The following CTTNBP2NL variants were observed in gnomAD, a reference collection of about 807,000 sequenced individuals.
CTTNBP2NL encodes CTTNBP2 N-terminal like.
In CTTNBP2NL, 16 loss-of-function variants were observed where a neutral mutation model predicts 32.5. That is an observed-to-expected ratio of 0.49 (90% CI 0.33 to 0.75). The LOEUF is 0.75. Among genes scored for constraint, CTTNBP2NL ranks in the 30% least tolerant of loss-of-function variants. The pLI, the probability that CTTNBP2NL is intolerant of heterozygous loss-of-function variation, is 0.02. For synonymous variants in CTTNBP2NL, 298 were observed against 289.4 expected, an observed-to-expected ratio of 1.03 and a Z score of -0.30; for missense variants, 645 against 756.0, an observed-to-expected ratio of 0.85 and a Z score of 1.72.
upstream of CTTNBP2NL, among the ~76,000 whole-genome samples, chr1:112,392,556 C>T (rs1648211691): frequency 6.6e-6 from 1 of 152,066 alleles, no homozygotes; most frequent in African/African-American, 2.4e-5. Flanking sequence ...CCATCTCAGA[C>T]TGTGAATTTA....
chr1:112,435,161 AAAG>A (rs1649694454), intron 3 of CTTNBP2NL, among the ~76,000 whole-genome samples: 2 of 151,010 alleles, frequency 1.3e-5, no homozygotes, highest in Admixed American at 6.6e-5. Flanking sequence ...AAAAAAAAAA[AAAG>A]AAGTGTACCC....
At chr1:112,412,753 A>G (rs12094459) in intron 2 of CTTNBP2NL, among the ~76,000 whole-genome samples, 4,479 of 151,392 alleles carry the variant, frequency 0.03, 223 homozygotes, top group African/African-American at 0.1. Context: ...AGTAGCTGGG[A>G]CTACAGGTGT....
chr1:112,455,259 A>C (rs949418222), intron 5 of CTTNBP2NL, among the ~76,000 whole-genome samples: 3 of 152,110 alleles, frequency 2.0e-5, no homozygotes, highest in African/African-American at 7.2e-5. Context: ...TAATCCCAGC[A>C]CTTTTGGAGG....
chr1:112,436,085 C>G (rs1425166347), intron 3 of CTTNBP2NL, among the ~76,000 whole-genome samples: 1 of 139,556 alleles, frequency 7.2e-6, no homozygotes, highest in African/African-American at 2.7e-5. Context: ...TTTTTTTGTC[C>G]TGTTTTATTG....
intron 3 of CTTNBP2NL, among the ~76,000 whole-genome samples, chr1:112,425,473 T>C (rs1166689295): frequency 6.6e-6 from 1 of 151,990 alleles, no homozygotes; most frequent in Non-Finnish European, 1.5e-5. Flanking sequence ...TCCATCCCCA[T>C]CAAAAAAAGA....
At position 112,456,241 on chromosome 1, in the gene CTTNBP2NL, G is replaced by A. The variant is rs138775621; in HGVS notation, c.749G>A (p.Arg250Lys). ...TTTGACATCGAAAGGGAACAACTGA[G>A]AGCAAAACTGAACCGAGAAGAGAAC... ...SEFDIEREQL[R>K]AKLNREENRT... The change falls in exon 6 of 6, where the codon AGA (arginine) becomes AAA (lysine). Residue 250 changes from arginine to lysine, a missense_variant. Physicochemically the swap from Arg to Lys is conservative, Grantham distance 26. Coordinates refer to ENST00000271277, the MANE Select transcript of CTTNBP2NL (RefSeq NM_018704.3). The A allele has an allele frequency of 3.1e-6, 5 of 1,614,016 alleles. No homozygotes were observed. Among genetic ancestry groups the A allele is most frequent in the African/African-American group, 2.7e-5 (2 of 74,924 alleles).
At chr1:112,441,954 C>A (rs1373965239) in intron 3 of CTTNBP2NL, among the ~76,000 whole-genome samples, 1 of 152,086 alleles carries the variant, frequency 6.6e-6, no homozygotes, top group Non-Finnish European at 1.5e-5. Context: ...TCTAATGTAT[C>A]ATTTAAAATA....
chr1:112,430,033 G>A (rs527903247), intron 3 of CTTNBP2NL, among the ~76,000 whole-genome samples: 1 of 152,214 alleles, frequency 6.6e-6, no homozygotes, highest in African/African-American at 2.4e-5. Flanking sequence ...AAAGGTACAG[G>A]ACAGGCTATT....
intron 2 of CTTNBP2NL, among the ~76,000 whole-genome samples, chr1:112,413,955 G>A (rs1260220138): frequency 2.0e-5 from 3 of 152,160 alleles, no homozygotes; most frequent in Non-Finnish European, 4.4e-5. Context: ...GGCTGAGGCA[G>A]GAGAATCGCT....
chr1:112,431,964 A>G (rs1424884057), intron 3 of CTTNBP2NL, among the ~76,000 whole-genome samples: 1 of 152,078 alleles, frequency 6.6e-6, no homozygotes, highest in African/African-American at 2.4e-5. Flanking sequence ...AATTAGAAAA[A>G]GAAATGGTCT....
chr1:112,457,289 GACCAAA>G lies in CTTNBP2NL; in HGVS notation c.1800_1805del (p.Lys601_Thr602del). ...CTTCTCCATCTGCTACCACTCCATT[GACCAAA>G]ACTCATTCCCAGGCAGCCTCTTTGA... is the stretch of plus-strand genomic sequence containing the variant. On this transcript the variant is annotated inframe_deletion, in exon 6 of 6. Coordinates refer to ENST00000271277, the MANE Select transcript of CTTNBP2NL (RefSeq NM_018704.3). 3.1e-6 allele frequency: 5 copies of G among 1,614,102 alleles called. No individual in the cohort carries two copies. The highest frequency in any genetic ancestry group is 4.2e-6 in the Non-Finnish European group (5 of 1,180,018).
At chr1:112,404,326 C>T (rs1039104411) in intron 1 of CTTNBP2NL, among the ~76,000 whole-genome samples, 4 of 152,246 alleles carry the variant, frequency 2.6e-5, no homozygotes, top group African/African-American at 7.2e-5. Flanking sequence ...AACAACATCA[C>T]GAGTTTTATT....
intron 1 of CTTNBP2NL, among the ~76,000 whole-genome samples, chr1:112,404,677 A>G (rs1238040626): frequency 6.6e-6 from 1 of 152,246 alleles, no homozygotes; most frequent in Non-Finnish European, 1.5e-5. Flanking sequence ...CAGATAGACA[A>G]TAGAGACGGT....
intron 3 of CTTNBP2NL, among the ~76,000 whole-genome samples, chr1:112,429,978 G>A (rs1649511700): frequency 6.6e-6 from 1 of 152,094 alleles, no homozygotes; most frequent in Non-Finnish European, 1.5e-5. Flanking sequence ...TAGTAAGAGG[G>A]AAGTGCCAGA....
At chr1:112,427,711 C>T (rs758797856) in intron 3 of CTTNBP2NL, among the ~76,000 whole-genome samples, 12 of 151,976 alleles carry the variant, frequency 7.9e-5, no homozygotes, top group Non-Finnish European at 1.3e-4. Context: ...CTGGCTGACA[C>T]GGTGAAACCC....
chr1:112,430,405 G>T (rs2483352), intron 3 of CTTNBP2NL, among the ~76,000 whole-genome samples: 84,174 of 151,542 alleles, frequency 0.56, 24,409 homozygotes, highest in South Asian at 0.71. Flanking sequence ...AATTTGTTGT[G>T]GTTGTACTTT....
intron 3 of CTTNBP2NL, among the ~76,000 whole-genome samples, chr1:112,424,008 C>G (rs1649316030): frequency 6.6e-6 from 1 of 152,238 alleles, no homozygotes; most frequent in Non-Finnish European, 1.5e-5. Context: ...CAGGCATGAG[C>G]CGCCGTGCCC....
Position 112,413,306 on chromosome 1 carries a change from A to G in CTTNBP2NL, c.-10+989A>G, listed in dbSNP as rs114808272. Among the ~76,000 whole-genome samples the G allele has an allele frequency of 8.2e-3, 1,255 of 152,332 alleles. 21 individuals carry two copies. Among genetic ancestry groups the G allele is most frequent in the African/African-American group, 0.029 (1,207 of 41,570 alleles). ...AGGACTTCCCAATTGCAAAAGGGCA[A>G]CTGAAGTTATTTCCGAGGTCATCGA... On this transcript the variant is annotated intron_variant, in intron 2 of 5. Coordinates refer to ENST00000271277, the MANE Select transcript of CTTNBP2NL (RefSeq NM_018704.3).
chr1:112,429,389 A>G (rs945001265), intron 3 of CTTNBP2NL, among the ~76,000 whole-genome samples: 5 of 152,192 alleles, frequency 3.3e-5, no homozygotes, highest in South Asian at 2.1e-4. Context: ...GCACTTGCCT[A>G]TAGTCCCAGC....
Sources: allele counts gnomAD v4.1 joint callset (sites outside exome capture counted in the v4.1 genomes callset), GRCh38; gene constraint gnomAD v4.1.1; transcripts MANE v1.5; gene names NCBI Gene and HGNC (gene_info 2026-07-23, HGNC 2026-07-21).